Variants in PPP4R2 observed in about 807,000 individuals in gnomAD.
The protein encoded by PPP4R2 is serine/threonine-protein phosphatase 4 regulatory subunit 2.
In PPP4R2, 13 loss-of-function variants were observed where a neutral mutation model predicts 47.2. The observed-to-expected ratio is 0.28, with a 90% CI of 0.18 to 0.44. The LOEUF (loss-of-function observed/expected upper bound fraction) is 0.44, where lower values mean the gene tolerates loss of function less well. Ranked by LOEUF, PPP4R2 falls within the 20% of genes least tolerant of loss-of-function variation. The probability of loss-of-function intolerance (pLI) is 1.00; values close to 1 mark genes in which losing one functional copy is unlikely to be tolerated. For missense variants in PPP4R2, 421 were observed against 491.2 expected (o/e 0.86, Z 1.35); for synonymous variants, 151 against 163.3 (o/e 0.92, Z 0.57).
At chr3:73,037,789 A>C (rs1170706922) in intron 2 of PPP4R2, among the ~76,000 whole-genome samples, 1 of 152,078 alleles carries the variant, frequency 6.6e-6, no homozygotes, top group Non-Finnish European at 1.5e-5. Context: ...CTACACTGTG[A>C]TCTTTAGGTT....
intron 2 of PPP4R2, among the ~76,000 whole-genome samples, chr3:73,007,377 C>T (rs1701630846): frequency 6.6e-6 from 1 of 152,044 alleles, no homozygotes; most frequent in South Asian, 2.1e-4. Context: ...CAACTAAGAC[C>T]CGCATTATTA....
At position 73,055,667 on chromosome 3, in the gene PPP4R2, C is replaced by CTT. The variant is rs5850095; in HGVS notation, c.288-3359_288-3358dup. 7.0e-3 allele frequency among the ~76,000 whole-genome samples: 1,001 copies of CTT among 143,070 alleles called. 10 individuals carry two copies. Among genetic ancestry groups the CTT allele is most frequent in the African/African-American group, 0.02 (785 of 38,560 alleles). 93.9% of individuals were successfully genotyped at this position (143,070 alleles called of 152,430 possible). On this transcript the variant is annotated intron_variant, in intron 3 of 8. Coordinates refer to ENST00000356692, the MANE Select transcript of PPP4R2 (RefSeq NM_174907.4). ...ATATCATTGCAGAGTAAACCAAACG[C>CTT]TTTTTTTTTTTTGGAGACAGTCTCA...
chr3:73,031,707 A>G (rs140594856), intron 2 of PPP4R2, among the ~76,000 whole-genome samples: 51 of 152,304 alleles, frequency 3.3e-4, no homozygotes, highest in Middle Eastern at 3.4e-3. Flanking sequence ...GAATGCCAAT[A>G]TAAGCCCAAG....
intron 3 of PPP4R2, among the ~76,000 whole-genome samples, chr3:73,055,849 G>A (rs543568178): frequency 2.6e-4 from 39 of 152,032 alleles, no homozygotes; most frequent in South Asian, 1.5e-3. Context: ...TCAGGGGATC[G>A]CCTGCTTCGG....
chr3:73,026,731 CATTAGT>C (rs1702072266), intron 2 of PPP4R2, among the ~76,000 whole-genome samples: 1 of 151,978 alleles, frequency 6.6e-6, no homozygotes, highest in Non-Finnish European at 1.5e-5. Context: ...CATCAGCTAT[CATTAGT>C]GTTAGTGTTA....
In PPP4R2 at chr3:73,065,004, C is replaced by A. The variant is rs188383020; in HGVS notation, c.791C>A (p.Thr264Asn). The A allele has an allele frequency of 1.2e-5, 19 of 1,613,878 alleles. No individual in the cohort carries two copies. The East Asian group carries it at 4.2e-4, about 36-fold the overall frequency. ...GEVRETASQT[T>N]SSEISSVMVG... The stretch of plus-strand genomic sequence containing the variant: ...GTCAGAGAAACAGCCAGTCAAACGA[C>A]TTCCAGCGAAATTTCTTCAGTTATG... The change falls in exon 8 of 9, where the codon ACT becomes AAT. Residue 264 changes from threonine to asparagine, a missense_variant. Thr to Asn is a moderately conservative substitution (Grantham distance 65). Coordinates refer to ENST00000356692, the MANE Select transcript of PPP4R2 (RefSeq NM_174907.4).
intron 5 of PPP4R2, chr3:73,062,576 T>C (rs1702887934): frequency 6.2e-7 from 1 of 1,613,896 alleles, no homozygotes; most frequent in Non-Finnish European, 8.5e-7. Flanking sequence ...CTCCTTATGC[T>C]AGCAGATTCA....
chr3:73,026,674 T>G (rs34476831), intron 2 of PPP4R2, among the ~76,000 whole-genome samples: 37,522 of 151,010 alleles, frequency 0.25, 5,816 homozygotes, highest in Non-Finnish European at 0.36. Context: ...TTCATAAACT[T>G]TCTTGAAACA....
At chr3:73,058,433 T>C (rs951223132) in intron 3 of PPP4R2, among the ~76,000 whole-genome samples, 3 of 152,094 alleles carry the variant, frequency 2.0e-5, no homozygotes, top group Admixed American at 2.0e-4. Context: ...TATCAGGATT[T>C]AGAATTTTCT....
At chr3:73,017,201 C>G (rs1011945843) in intron 2 of PPP4R2, among the ~76,000 whole-genome samples, 1 of 152,100 alleles carries the variant, frequency 6.6e-6, no homozygotes, top group Non-Finnish European at 1.5e-5. Flanking sequence ...TTACAGACAT[C>G]AGCCACTGTG....
chr3:73,021,575 C>T (rs1230463132), intron 2 of PPP4R2, among the ~76,000 whole-genome samples: 1 of 151,968 alleles, frequency 6.6e-6, no homozygotes, highest in African/African-American at 2.4e-5. Flanking sequence ...AGGTTAGATA[C>T]TTTCAACATA....
At chr3:73,046,811 A>T (rs1575875329) in intron 2 of PPP4R2, among the ~76,000 whole-genome samples, 1 of 152,360 alleles carries the variant, frequency 6.6e-6, no homozygotes, top group East Asian at 1.9e-4. Flanking sequence ...GTATGGATTC[A>T]TTCTGACTTA....
At position 73,036,002 on chromosome 3, in the gene PPP4R2, G is replaced by A. The variant is rs552206205; in HGVS notation, c.117-11184G>A. Among the ~76,000 whole-genome samples the A allele has an allele frequency of 3.3e-5, 5 of 152,268 alleles. No homozygotes were observed. The East Asian group carries it at 7.7e-4, about 23-fold the overall frequency. ...CTAAGTATCTACAAATGGATGCATG[G>A]ATAAAGAAAATGGTGTATATATACG... On this transcript the variant is annotated intron_variant, in intron 2 of 8. Transcript: ENST00000356692.
At chr3:73,019,967 C>A (rs1288410225) in intron 2 of PPP4R2, among the ~76,000 whole-genome samples, 1 of 152,056 alleles carries the variant, frequency 6.6e-6, no homozygotes, top group East Asian at 1.9e-4. Flanking sequence ...TAGGCTTCTT[C>A]TAGAGGGCAT....
chr3:73,038,163 G>A (rs1403289837), intron 2 of PPP4R2, among the ~76,000 whole-genome samples: 1 of 152,140 alleles, frequency 6.6e-6, no homozygotes, highest in Non-Finnish European at 1.5e-5. Flanking sequence ...GAGCAAAAGT[G>A]GTGAGAAAAG....
At chr3:73,045,196 G>A (rs1702456974) in intron 2 of PPP4R2, among the ~76,000 whole-genome samples, 1 of 152,162 alleles carries the variant, frequency 6.6e-6, no homozygotes, top group Non-Finnish European at 1.5e-5. Context: ...TAGAGACGGA[G>A]TATTGCTGTT....
chr3:72,997,978 T>G (rs1355360688), intron 1 of PPP4R2, 99 bp from the exon 2 acceptor site: 1 of 823,000 alleles, frequency 1.2e-6, no homozygotes, highest in Non-Finnish European at 2.0e-6. Context: ...TAATTTTGTA[T>G]TTAATTGATT....
At position 73,064,264 on chromosome 3, in the gene PPP4R2, G is replaced by A. The variant is rs868842874; in HGVS notation, c.638+118G>A. 4.3e-5 allele frequency: 36 copies of A among 837,212 alleles called. No individual in the cohort carries two copies. The African/African-American group carries it at 6.1e-4, about 14-fold the overall frequency. 51.9% of individuals were successfully genotyped at this position (837,212 alleles called of 1,614,324 possible). The stretch of plus-strand genomic sequence containing the variant: ...AGGGACAGAACAAGGTTTTCATGCG[G>A]TTTATAGGAGCACTGGCTTCTCTTT... On this transcript the variant is annotated intron_variant, in intron 7 of 8. Coordinates refer to ENST00000356692, the MANE Select transcript of PPP4R2 (RefSeq NM_174907.4).
chr3:73,062,652 A>G lies in PPP4R2; in HGVS notation c.420-1021A>G, dbSNP rs1218080251. On this transcript the variant is annotated intron_variant, in intron 5 of 8. Coordinates refer to ENST00000356692, the MANE Select transcript of PPP4R2 (RefSeq NM_174907.4). ...TCTCCGCCACTGCTGTGACCTTTTG[A>G]TAGGCATTGCGGCTGGATCAAGTGA... The G allele has an allele frequency of 1.9e-6, 3 of 1,613,844 alleles. No homozygotes were observed. The South Asian group carries it at 3.3e-5, about 18-fold the overall frequency.
Sources: gnomAD v4.1 joint callset for allele counts (sites outside exome capture counted in the v4.1 genomes callset) on GRCh38, gnomAD v4.1.1 for gene constraint, MANE v1.5 for transcripts, NCBI Gene and HGNC (gene_info 2026-07-23, HGNC 2026-07-21) for gene names.